The following PTGFR variants were observed in gnomAD, a reference collection of about 807,000 sequenced individuals.
The protein encoded by PTGFR is prostaglandin F2-alpha receptor.
A neutral mutation model predicts 26.2 loss-of-function variants in PTGFR; 15 were observed. The observed-to-expected ratio is 0.57, with a 90% CI of 0.38 to 0.88. The LOEUF (loss-of-function observed/expected upper bound fraction) is 0.88, where lower values mean the gene tolerates loss of function less well. PTGFR is among the 40% of genes least tolerant of loss of function. The probability of loss-of-function intolerance (pLI) is 0.00; values close to 1 mark genes in which losing one functional copy is unlikely to be tolerated. For synonymous variants in PTGFR, 165 were observed against 151.1 expected (o/e 1.09, Z -0.68); for missense variants, 369 against 427.2 (o/e 0.86, Z 1.20).
At chr1:78,517,501 G>A (rs185007870) in intron 2 of PTGFR, among the ~76,000 whole-genome samples, 23 of 152,288 alleles carry the variant, frequency 1.5e-4, no homozygotes, top group Admixed American at 1.5e-3. Flanking sequence ...CTCACCATGA[G>A]CTTAGTCCTG....
At chr1:78,523,879 A>G (rs1352644520) in intron 2 of PTGFR, among the ~76,000 whole-genome samples, 1 of 152,052 alleles carries the variant, frequency 6.6e-6, no homozygotes, top group African/African-American at 2.4e-5. Context: ...CCTTAGTTTA[A>G]ATGTTGAATG....
At position 78,492,466 on chromosome 1, in the gene PTGFR, A is replaced by G. The variant is rs1649427820; in HGVS notation, c.-72-206A>G. On this transcript the variant is annotated intron_variant, in intron 1 of 2. Transcript: ENST00000370757. Reference sequence around the variant, plus strand: ...TGCAGAGGGGCCACAGAAGTTAACCAAGGGGTCTCAATTTCAACAGCTTCT... The same window carrying G: ...TGCAGAGGGGCCACAGAAGTTAACCGAGGGGTCTCAATTTCAACAGCTTCT... Among the ~76,000 whole-genome samples the G allele has an allele frequency of 4.6e-5, 7 of 152,320 alleles. No homozygotes were observed. The South Asian group carries it at 1.5e-3, about 32-fold the overall frequency.
intron 2 of PTGFR, among the ~76,000 whole-genome samples, chr1:78,535,126 G>T (rs1254187879): frequency 6.6e-6 from 1 of 152,116 alleles, no homozygotes; most frequent in Non-Finnish European, 1.5e-5. Context: ...CCCACATCTG[G>T]TGACCACACT....
At position 78,520,935 on chromosome 1, in the gene PTGFR, T is replaced by C. The variant is rs577744121; in HGVS notation, c.799-15471T>C. ...AATTTGAAGGCAAGTAATGGCAAGG[T>C]CCCCAGCATTCACATGCTTGCAACA... On this transcript the variant is annotated intron_variant, in intron 2 of 2. Coordinates refer to ENST00000370757, the MANE Select transcript of PTGFR (RefSeq NM_000959.4). Among the ~76,000 whole-genome samples, 200 of 152,130 alleles carry C rather than the reference T, an allele frequency of 1.3e-3. 1 individual carries two copies. The highest frequency in any genetic ancestry group is 4.7e-3 in the African/African-American group (197 of 41,496).
chr1:78,523,006 C>A (rs1021535598), intron 2 of PTGFR, among the ~76,000 whole-genome samples: 4 of 151,972 alleles, frequency 2.6e-5, no homozygotes, highest in East Asian at 1.9e-4. Flanking sequence ...TCTTTATTTT[C>A]TTAACTACAT....
In PTGFR at chr1:78,537,552, A is replaced by T. The variant is rs532540334; in HGVS notation, c.*865A>T. The T allele has an allele frequency of 2.0e-5, 3 of 152,258 alleles. No homozygotes were observed. The highest frequency in any genetic ancestry group is 4.1e-4 in the South Asian group (2 of 4,826). The allele number at this position is 152,258 out of a possible 1,614,324, so 9.4% of individuals were successfully genotyped here. ...CTACATGCCAATGATAGGTGCAAAG[A>T]ATATTGGCAAAAGGTGCTTTACCTT... On this transcript the variant is annotated 3_prime_UTR_variant, in exon 3 of 3. Coordinates refer to ENST00000370757, the MANE Select transcript of PTGFR (RefSeq NM_000959.4).
At chr1:78,507,348 G>GT (rs901461085) in intron 2 of PTGFR, among the ~76,000 whole-genome samples, 38 of 152,234 alleles carry the variant, frequency 2.5e-4, no homozygotes, top group Admixed American at 2.2e-3. Flanking sequence ...TAGTGTGTTT[G>GT]TTTTTGTTTT....
At chr1:78,509,093 TA>T (rs1207221243) in intron 2 of PTGFR, among the ~76,000 whole-genome samples, 4 of 152,122 alleles carry the variant, frequency 2.6e-5, no homozygotes, top group African/African-American at 9.7e-5. Flanking sequence ...ATTCTGACAT[TA>T]AAAAAATTTT....
chr1:78,492,349 C>A (rs886196060), intron 1 of PTGFR, among the ~76,000 whole-genome samples: 2 of 152,148 alleles, frequency 1.3e-5, no homozygotes, highest in African/African-American at 4.8e-5. Flanking sequence ...GGGTTTAAAT[C>A]TAATCTTGGT....
At chr1:78,508,363 G>C (rs1172988043) in intron 2 of PTGFR, among the ~76,000 whole-genome samples, 2 of 152,072 alleles carry the variant, frequency 1.3e-5, no homozygotes, top group Non-Finnish European at 2.9e-5. Flanking sequence ...CTGGTATGTG[G>C]CTGGAAACTT....
intron 2 of PTGFR, chr1:78,532,428 ATGTGTATATATTTGTGTGTG>A (rs1650538169): frequency 8.2e-6 from 1 of 121,378 alleles, no homozygotes; most frequent in African/African-American, 4.0e-5. Flanking sequence ...GTGTGTATAT[ATGTGTATATATTTGTGTGTG>A]TATATGTGTA....
At chr1:78,506,895 G>A (rs1003137869) in intron 2 of PTGFR, among the ~76,000 whole-genome samples, 2 of 152,080 alleles carry the variant, frequency 1.3e-5, no homozygotes, top group African/African-American at 4.8e-5. Flanking sequence ...TGAATGTTAT[G>A]TTAGGGAGAC....
chr1:78,532,224 T>C, intron 2 of PTGFR: 1 of 406,602 alleles, frequency 2.5e-6, no homozygotes, highest in Non-Finnish European at 4.9e-6. Context: ...GATAAGACAC[T>C]CAACGAGAAA....
At chr1:78,535,328 A>G (rs1650620150) in intron 2 of PTGFR, among the ~76,000 whole-genome samples, 1 of 152,200 alleles carries the variant, frequency 6.6e-6, no homozygotes, top group South Asian at 2.1e-4. Context: ...CTTCAGATGC[A>G]TCATCAAGGA....
At chr1:78,526,204 C>T (rs1025850750) in intron 2 of PTGFR, among the ~76,000 whole-genome samples, 20 of 152,040 alleles carry the variant, frequency 1.3e-4, no homozygotes, top group African/African-American at 4.8e-4. Context: ...TTAAAGTGGT[C>T]TCCTATTCAG....
Position 78,538,457 on chromosome 1 carries a change from G to A in PTGFR, c.*1770G>A, listed in dbSNP as rs1650710540. On this transcript the variant is annotated 3_prime_UTR_variant, in exon 3 of 3. Transcript: ENST00000370757. ...TACATATCTTAGGAGGGTTATCTAT[G>A]TTATCTGAGTATATGTTTGGGTAAC... is the stretch of plus-strand genomic sequence containing the variant. 1 of 151,100 alleles carries A rather than the reference G, an allele frequency of 6.6e-6. No homozygotes were observed. Among genetic ancestry groups the A allele is most frequent in the Admixed American group, 6.6e-5 (1 of 15,086 alleles). The allele number at this position is 151,100 out of a possible 1,614,324, so 9.4% of individuals were successfully genotyped here. A position where few individuals can be genotyped will look rare whatever the true frequency, so the allele number is the denominator to read the frequency against.
At position 78,524,097 on chromosome 1, in the gene PTGFR, C is replaced by A. The variant is rs150267950; in HGVS notation, c.799-12309C>A. 6.6e-5 allele frequency among the ~76,000 whole-genome samples: 10 copies of A among 152,120 alleles called. No homozygotes were observed. In the East Asian group the frequency reaches 9.7e-4, roughly 15 times the overall value. On this transcript the variant is annotated intron_variant, in intron 2 of 2. Transcript: ENST00000370757. ...GTGCCTTTTGGGCAGCTGGTGGAGT[C>A]GCTACTATTGAGTATATTCATTAGC...
intron 2 of PTGFR, among the ~76,000 whole-genome samples, chr1:78,508,708 A>G (rs1649884591): frequency 6.6e-6 from 1 of 152,218 alleles, no homozygotes; most frequent in Admixed American, 6.5e-5. Flanking sequence ...TTGGGCAGTA[A>G]GAATGCAAAA....
intron 2 of PTGFR, among the ~76,000 whole-genome samples, chr1:78,505,937 G>C (rs1351353328): frequency 6.6e-6 from 1 of 152,248 alleles, no homozygotes; most frequent in East Asian, 1.9e-4. Flanking sequence ...CTTTTCAGAA[G>C]TCAATTAACA....
Sources: allele counts gnomAD v4.1 joint callset (sites outside exome capture counted in the v4.1 genomes callset), GRCh38; gene constraint gnomAD v4.1.1; transcripts MANE v1.5; gene names NCBI Gene and HGNC (gene_info 2026-07-23, HGNC 2026-07-21).